Variants in ULK3 observed in about 807,000 individuals in gnomAD.
The protein encoded by ULK3 is serine/threonine-protein kinase ULK3.
In ULK3, 54 loss-of-function variants were observed where a neutral mutation model predicts 69.4. That is an observed-to-expected ratio of 0.78 (90% CI 0.63 to 0.98). The LOEUF (loss-of-function observed/expected upper bound fraction) is 0.98, where lower values mean the gene tolerates loss of function less well. Among genes scored for constraint, ULK3 ranks in the 50% least tolerant of loss-of-function variants. ULK3 has a pLI of 0.00. For missense variants in ULK3, 558 were observed against 627.7 expected, an observed-to-expected ratio of 0.89 and a Z score of 1.19; for synonymous variants, 240 against 254.5, an observed-to-expected ratio of 0.94 and a Z score of 0.54.
chr15:74,840,727 A>C (rs763659621), intron 4 of ULK3, 86 bp from the exon 5 acceptor site: 84 of 1,446,502 alleles, frequency 5.8e-5, no homozygotes, highest in East Asian at 1.2e-4. Flanking sequence ...GCTCCTCTCC[A>C]CCCTCCAGAC....
At chr15:74,841,534 A>G (rs759491697) in intron 3 of ULK3, 25 bp from the exon 4 acceptor site, 35 of 1,604,796 alleles carry the variant, frequency 2.2e-5, no homozygotes, top group Non-Finnish European at 3.0e-5. Flanking sequence ...CCACGAAGAG[A>G]GACAGTTCAG....
intron 9 of ULK3, 64 bp from the exon 10 acceptor site, chr15:74,838,809 C>T: frequency 6.8e-7 from 1 of 1,481,414 alleles, no homozygotes; most frequent in South Asian, 1.2e-5. Context: ...GAACCCACCT[C>T]CAAGTTCTCC....
rs1244639948 is a variant in ULK3, at chr15:74,843,041, C to T, written c.65G>A (p.Ser22Asn). 6.5e-7 allele frequency: 1 copy of T among 1,528,558 alleles called. No individual in the cohort carries two copies. The highest frequency in any genetic ancestry group is 8.8e-7 in the Non-Finnish European group (1 of 1,136,112). The allele number at this position is 1,528,558 out of a possible 1,614,324, so 94.7% of individuals were successfully genotyped here. A position where few individuals can be genotyped will look rare whatever the true frequency, so the allele number is the denominator to read the frequency against. ...DGFILTERLG[S>N]GTYATVYKAY... Reference sequence around the variant, plus strand: ...CTTGTACACCGTGGCGTACGTGCCGCTGCCCAGGCGCTCGGTGAGGATGAA... The same window carrying T: ...CTTGTACACCGTGGCGTACGTGCCGTTGCCCAGGCGCTCGGTGAGGATGAA... Residue 22 changes from serine to asparagine, a missense_variant, in exon 1 of 16, where the codon AGC becomes AAC. Physicochemically the swap from Ser to Asn is conservative, Grantham distance 46 (BLOSUM62 1). Coordinates refer to ENST00000440863, the MANE Select transcript of ULK3 (RefSeq NM_001099436.4).
chr15:74,837,734 G>A lies in ULK3; in HGVS notation c.1335+17C>T, dbSNP rs767625080. ...AACCCACAGACCCTAGCCCCAGCGT[G>A]GCCCCCATGTGCCCACCTTGACCTG... On this transcript the variant is annotated intron_variant, in intron 14 of 15. Coordinates refer to ENST00000440863, the MANE Select transcript of ULK3 (RefSeq NM_001099436.4). 3.1e-6 allele frequency: 5 copies of A among 1,590,286 alleles called. No individual in the cohort carries two copies. The highest frequency in any genetic ancestry group is 4.3e-6 in the Non-Finnish European group (5 of 1,167,580).
intron 6 of ULK3, 57 bp from the exon 7 acceptor site, chr15:74,839,770 T>C: frequency 6.8e-7 from 1 of 1,467,976 alleles, no homozygotes; most frequent in Non-Finnish European, 9.0e-7. Flanking sequence ...CCCCTACCCC[T>C]AGCCCAGGGG....
rs1376905253 is a variant in ULK3, at chr15:74,842,529, G to T, written c.103-109C>A. On this transcript the variant is annotated intron_variant, in intron 1 of 15. Transcript: ENST00000440863. This position sits in a 1 kb window ranked among gnomAD's most constrained non-coding sequence, Gnocchi z 4.9. ...GTTCCCCCACCCCGCCCCTCCCCGG[G>T]TCTACCTACTGCACACCAGCACCGG... 2 of 1,599,432 alleles carry T rather than the reference G, an allele frequency of 1.3e-6. No individual in the cohort carries two copies.
Position 74,840,520 on chromosome 15 carries a change from C to A in ULK3, c.591G>T (p.Trp197Cys). The A allele has an allele frequency of 6.2e-7, 1 of 1,609,080 alleles. No individual in the cohort carries two copies. Among genetic ancestry groups the A allele is most frequent in the Non-Finnish European group, 8.5e-7 (1 of 1,178,054 alleles). The change falls in exon 5 of 16, where the codon TGG becomes TGT. Residue 197 changes from tryptophan to cysteine, a missense_variant. Physicochemically the swap from Trp to Cys is radical, Grantham distance 215. Coordinates refer to ENST00000440863, the MANE Select transcript of ULK3 (RefSeq NM_001099436.4). The stretch of plus-strand genomic sequence containing the variant: ...CACCATACAGGATGACCCCCATGGA[C>A]CAGAGGTCCACGCGGGCGTCATACT... ...QRQYDARVDL[W>C]SMGVILYEAL... is the part of the protein sequence containing the mutation.
At chr15:74,841,348 G>A (rs2064238557) in intron 4 of ULK3, 57 bp downstream of exon 4, 2 of 1,442,618 alleles carry the variant, frequency 1.4e-6, no homozygotes, top group Admixed American at 1.7e-5. Flanking sequence ...AGTGAGCCCA[G>A]GCAGAGGGAG....
At position 74,840,613 on chromosome 15, in the gene ULK3, C is replaced by T. The variant is rs375863086; in HGVS notation, c.498G>A (p.Pro166=). ...ADFGFAQHMS[P]WDEKHVLRGS... is the part of the protein sequence containing the mutation. ...CACGGAGCACGTGCTTCTCATCCCA[C>T]GGGGACATGTGTTGTGCGAAACCAA... The change falls in exon 5 of 16, where the codon CCG becomes CCA. Residue 166 remains proline (P), a synonymous_variant. Transcript: ENST00000440863. 3.0e-4 allele frequency: 471 copies of T among 1,595,272 alleles called. 1 individual carries two copies. The highest frequency in any genetic ancestry group is 2.3e-4 in the Non-Finnish European group (271 of 1,172,516).
Position 74,842,059 on chromosome 15 carries a change from T to G in ULK3, c.364+16A>C, listed in dbSNP as rs747668653. ...AACAAGGGACAGAGTGTCAGGCTGGTGTCACAGGCCTTTACCTAATTGCTG... is the reference window on the plus strand; with the variant it reads ...AACAAGGGACAGAGTGTCAGGCTGGGGTCACAGGCCTTTACCTAATTGCTG... On this transcript the variant is annotated intron_variant, in intron 3 of 15. Coordinates refer to ENST00000440863, the MANE Select transcript of ULK3 (RefSeq NM_001099436.4). This position sits in a 1 kb window ranked among gnomAD's most constrained non-coding sequence, Gnocchi z 4.9. 45 of 1,613,238 alleles carry G rather than the reference T, an allele frequency of 2.8e-5. No individual in the cohort carries two copies. In the East Asian group the frequency reaches 1.0e-3, roughly 36 times the overall value.
In ULK3 at chr15:74,842,707, G is replaced by C. The variant is rs2064306170; in HGVS notation, c.103-287C>G. The C allele has an allele frequency of 1.4e-5, 22 of 1,533,396 alleles. No homozygotes were observed. In the East Asian group the frequency reaches 5.4e-4, roughly 38 times the overall value. 95.0% of individuals were successfully genotyped at this position (1,533,396 alleles called of 1,614,324 possible). ...GCTCCCGGCAGAGGCATGTCACTCA[G>C]GGTTCTAGAACCGCCCACTCTGCCT... On this transcript the variant is annotated intron_variant, in intron 1 of 15. Transcript: ENST00000440863. This position sits in a 1 kb window ranked among gnomAD's most constrained non-coding sequence, Gnocchi z 4.9.
In ULK3 at chr15:74,836,177, A is replaced by T. The variant is rs2064012610; in HGVS notation, c.*1051T>A. ...ATACTCTTTACACTCAGCCTCCTGC[A>T]GGGAGGACAGACAGCTCTTGCCCAA... On this transcript the variant is annotated 3_prime_UTR_variant, in exon 16 of 16. Transcript: ENST00000440863. This position sits in a 1 kb window ranked among gnomAD's most constrained non-coding sequence, Gnocchi z 4.0. 1 of 152,252 alleles carries T rather than the reference A, an allele frequency of 6.6e-6. No homozygotes were observed. The highest frequency in any genetic ancestry group is 1.5e-5 in the Non-Finnish European group (1 of 68,056). The allele number at this position is 152,252 out of a possible 1,614,324, so 9.4% of individuals were successfully genotyped here.
rs1393743143 is a variant in ULK3, at chr15:74,842,474, T to C, written c.103-54A>G. 1.9e-6 allele frequency: 3 copies of C among 1,612,394 alleles called. No homozygotes were observed. The East Asian group carries it at 6.7e-5, about 36-fold the overall frequency. On this transcript the variant is annotated intron_variant, in intron 1 of 15. Coordinates refer to ENST00000440863, the MANE Select transcript of ULK3 (RefSeq NM_001099436.4). The surrounding 1 kb of genome is among the most constrained non-coding windows in gnomAD (Gnocchi z 4.9). ...CCTTGAGGGGGCCAGGACCCTTGTC[T>C]GACTGGAAAGGCTCTATCTGGTTCC...
intron 14 of ULK3, 70 bp downstream of exon 14, chr15:74,837,681 G>T: frequency 2.0e-6 from 3 of 1,506,600 alleles, no homozygotes; most frequent in Admixed American, 2.0e-5. Context: ...AGCAGGGGGG[G>T]ACGACAGCCA....
In ULK3 at chr15:74,838,420, C is replaced by A. The variant is rs368152984; in HGVS notation, c.1167+20G>T. 1.3e-6 allele frequency: 2 copies of A among 1,568,328 alleles called. No homozygotes were observed. The highest frequency in any genetic ancestry group is 2.7e-5 in the African/African-American group (2 of 73,656). ...CCTGCCCTGCCCCGACCCACCTGGA[C>A]CCCTCCCACTGGCACAAACCTTGGC... On this transcript the variant is annotated intron_variant, in intron 11 of 15. Coordinates refer to ENST00000440863, the MANE Select transcript of ULK3 (RefSeq NM_001099436.4).
rs191974669 is a variant in ULK3, at chr15:74,838,177, C to T, written c.1262G>A (p.Arg421Gln). 35 of 1,563,448 alleles carry T rather than the reference C, an allele frequency of 2.2e-5. No homozygotes were observed. Among genetic ancestry groups the T allele is most frequent in the East Asian group, 4.8e-5 (2 of 41,920 alleles). ...LLLLAAEPPG[R>Q]RRELLHTEVQ... ...CTCAGTGTGAAGCAGCTCCCGCCTC[C>T]GGCCCGGGGGCTCCGCTGTAAAGAG... Residue 421 changes from arginine to glutamine, a missense_variant, in exon 13 of 16, where the codon CGG (arginine) becomes CAG (glutamine). Arg to Gln is a conservative substitution (Grantham distance 43). Coordinates refer to ENST00000440863, the MANE Select transcript of ULK3 (RefSeq NM_001099436.4).
Position 74,842,315 on chromosome 15 carries a change from G to A in ULK3, c.208C>T (p.Arg70Ter). The A allele has an allele frequency of 8.7e-6, 14 of 1,614,016 alleles. No homozygotes were observed. Among genetic ancestry groups the A allele is most frequent in the Non-Finnish European group, 1.2e-5 (14 of 1,179,898 alleles). The change falls in exon 2 of 16, where the codon CGA becomes TGA. Residue 70 changes from arginine (R) to a stop codon, truncating the protein, a stop_gained. Coordinates refer to ENST00000440863, the MANE Select transcript of ULK3 (RefSeq NM_001099436.4). LOFTEE classifies it high-confidence loss of function. The surrounding 1 kb of genome is among the most constrained non-coding windows in gnomAD (Gnocchi z 4.9). Reference sequence around the variant, plus strand: ...TTCAGCTGCACAATGTGGGGATGTCGAATGCCCTTGAGGATCTCAATCTCC... The same window carrying A: ...TTCAGCTGCACAATGTGGGGATGTCAAATGCCCTTGAGGATCTCAATCTCC... Reference protein sequence around the residue: ...LTEIEILKGIRHPHIVQLKDF... With the variant: ...LTEIEILKGI
chr15:74,841,431 AAGG>A lies in ULK3; in HGVS notation c.440_442del (p.Ser147del). ...TGCCAGTTTTAGGTGGGGCTTCTCC[AAGG>A]AGCTCAGTAGAATGTTCTGTGGCTT... On this transcript the variant is annotated inframe_deletion, in exon 4 of 16. Coordinates refer to ENST00000440863, the MANE Select transcript of ULK3 (RefSeq NM_001099436.4). 1.2e-6 allele frequency: 2 copies of A among 1,613,876 alleles called. No individual in the cohort carries two copies. The highest frequency in any genetic ancestry group is 1.7e-6 in the Non-Finnish European group (2 of 1,179,830).
At position 74,838,740 on chromosome 15, in the gene ULK3, C is replaced by A; in HGVS notation, c.1005G>T (p.Gly335=). 6.2e-7 allele frequency: 1 copy of A among 1,605,436 alleles called. No individual in the cohort carries two copies. The highest frequency in any genetic ancestry group is 8.5e-7 in the Non-Finnish European group (1 of 1,174,802). The part of the protein sequence containing the change: ...QRKEAIKAKV[G]QYVSRAEELK... The stretch of plus-strand genomic sequence containing the variant: ...GCTCCTCAGCCCGGGACACGTACTG[C>A]CCCACCTGTAGCAGGGAAAGGGCCT... The change falls in exon 10 of 16, where the codon GGG becomes GGT. Residue 335 remains glycine, a synonymous_variant. Transcript: ENST00000440863.
Sources: allele counts gnomAD v4.1 joint callset, GRCh38; gene constraint gnomAD v4.1.1; non-coding constraint Gnocchi (gnomAD v3.1); transcripts MANE v1.5; gene names NCBI Gene and HGNC (gene_info 2026-07-23, HGNC 2026-07-21).